PTPRU: variants seen among roughly 807,000 people sequenced by gnomAD.
PTPRU encodes receptor-type tyrosine-protein phosphatase U.
PTPRU carries 69 observed loss-of-function variants against 166.3 expected under a neutral mutation model. That is an observed-to-expected ratio of 0.41 (90% confidence interval 0.34 to 0.51). PTPRU has a LOEUF of 0.51. Among genes scored for constraint, PTPRU ranks in the 20% least tolerant of loss-of-function variants. PTPRU has a pLI of 0.09. For synonymous variants in PTPRU, 793 were observed against 814.0 expected, an observed-to-expected ratio of 0.97 and a Z score of 0.44; for missense variants, 1,657 against 2,013.7, an observed-to-expected ratio of 0.82 and a Z score of 3.39.
chr1:29,259,695 C>T, intron 5 of PTPRU, 131 bp downstream of exon 5: 1 of 1,243,534 alleles, frequency 8.0e-7, no homozygotes, highest in South Asian at 1.5e-5. Context: ...TCCCGGCCCT[C>T]CCCTAGCTCT....
chr1:29,256,347 G>A (rs1574616017), intron 2 of PTPRU, among the ~76,000 whole-genome samples: 2 of 152,190 alleles, frequency 1.3e-5, no homozygotes, highest in Admixed American at 1.3e-4. Flanking sequence ...TGTGTCAGAG[G>A]ACAAATCAAA....
chr1:29,306,990 C>CAGCCT (rs398069447), intron 18 of PTPRU: 17 of 971,724 alleles, frequency 1.7e-5, no homozygotes, highest in South Asian at 3.0e-5. Flanking sequence ...CAGCCCAGCC[C>CAGCCT]GGCCTGCCCG....
In PTPRU at chr1:29,280,235, T is replaced by C; in HGVS notation, c.1868+94T>C. The C allele has an allele frequency of 8.0e-7, 1 of 1,252,004 alleles. No individual in the cohort carries two copies. The highest frequency in any genetic ancestry group is 1.4e-5 in the South Asian group (1 of 73,610). The allele number at this position is 1,252,004 out of a possible 1,614,324, so 77.6% of individuals were successfully genotyped here. On this transcript the variant is annotated intron_variant, in intron 11 of 29. Transcript: ENST00000373779. This position sits in a 1 kb window ranked among gnomAD's most constrained non-coding sequence, Gnocchi z 4.2. Reference sequence around the variant, plus strand: ...GCCCCATCCCAGGCCAGCTCACCCTTTTCCTCCCTCAGTCTCCCACGCAGG... The same window carrying C: ...GCCCCATCCCAGGCCAGCTCACCCTCTTCCTCCCTCAGTCTCCCACGCAGG...
At chr1:29,319,541 C>T (rs1433094492) in intron 25 of PTPRU, among the ~76,000 whole-genome samples, 1 of 152,230 alleles carries the variant, frequency 6.6e-6, no homozygotes, top group Non-Finnish European at 1.5e-5. Context: ...GTCAAGTCTG[C>T]AAGGAGCCCT....
intron 14 of PTPRU, among the ~76,000 whole-genome samples, chr1:29,286,234 A>C (rs1686342353): frequency 6.6e-6 from 1 of 152,170 alleles, no homozygotes; most frequent in South Asian, 2.1e-4. Flanking sequence ...TTGTTCCTGC[A>C]CAGCTTTAAG....
chr1:29,319,615 G>T (rs2007350), intron 25 of PTPRU, among the ~76,000 whole-genome samples: 84,662 of 152,146 alleles, frequency 0.56, 26,213 homozygotes, highest in African/African-American at 0.84. Flanking sequence ...TTGTTAATCA[G>T]GAGCCTTCAG....
chr1:29,277,700 G>A (rs1685866187), intron 8 of PTPRU, among the ~76,000 whole-genome samples: 1 of 150,344 alleles, frequency 6.7e-6, no homozygotes, highest in South Asian at 2.1e-4. Context: ...CTATGTGGTA[G>A]GTTACTATTT....
At chr1:29,293,471 G>GTTTTTTTTTTTTTTTT (rs201996423) in intron 15 of PTPRU, among the ~76,000 whole-genome samples, 1 of 135,314 alleles carries the variant, frequency 7.4e-6, no homozygotes. Flanking sequence ...TTCGGGGGTA[G>GTTTTTTTTTTTTTTTT]TTTTTTGTTT....
chr1:29,262,550 T>C (rs756539124), intron 7 of PTPRU, among the ~76,000 whole-genome samples: 1 of 152,198 alleles, frequency 6.6e-6, no homozygotes, highest in Non-Finnish European at 1.5e-5. Context: ...TTATTATTAG[T>C]TATTGTTGTG....
At chr1:29,306,718 C>T (rs1185524764) in intron 18 of PTPRU, among the ~76,000 whole-genome samples, 3 of 152,176 alleles carry the variant, frequency 2.0e-5, no homozygotes, top group South Asian at 2.1e-4. Context: ...GTCTGGGAGC[C>T]GAGGTAGTCA....
At chr1:29,261,795 A>T (rs1685079459) in intron 7 of PTPRU, among the ~76,000 whole-genome samples, 1 of 151,778 alleles carries the variant, frequency 6.6e-6, no homozygotes, top group Admixed American at 6.6e-5. Flanking sequence ...GGCCTTCCAA[A>T]GTGCTAAGAT....
At chr1:29,262,580 T>C (rs75870221) in intron 7 of PTPRU, among the ~76,000 whole-genome samples, 5,255 of 152,310 alleles carry the variant, frequency 0.035, 307 homozygotes, top group African/African-American at 0.12. Context: ...CTGTGCCTAA[T>C]GTAGAAATTA....
At position 29,315,083 on chromosome 1, in the gene PTPRU, C is replaced by T. The variant is rs1687836732; in HGVS notation, c.3228-289C>T. On this transcript the variant is annotated intron_variant, in intron 22 of 29. Transcript: ENST00000373779. The surrounding 1 kb of genome is among the most constrained non-coding windows in gnomAD (Gnocchi z 4.5). ...CTCGGAGGATCATCATTCCTGTTCT[C>T]TCCTAATCTTAAGTTGCTAGGTTGA... 6.6e-6 allele frequency among the ~76,000 whole-genome samples: 1 copy of T among 152,174 alleles called. No homozygotes were observed. Among genetic ancestry groups the T allele is most frequent in the African/African-American group, 2.4e-5 (1 of 41,444 alleles).
chr1:29,239,944 C>T (rs1391124515), intron 1 of PTPRU, among the ~76,000 whole-genome samples: 1 of 152,160 alleles, frequency 6.6e-6, no homozygotes, highest in Non-Finnish European at 1.5e-5. Flanking sequence ...TCCCTTGGCC[C>T]TGTTGCTGGC....
At chr1:29,289,653 C>G in intron 14 of PTPRU, 1 of 1,613,918 alleles carries the variant, frequency 6.2e-7, no homozygotes, top group Non-Finnish European at 8.5e-7. Context: ...TCGGACACAA[C>G]TGTGCTGTTC....
chr1:29,241,619 G>C (rs979636520), intron 1 of PTPRU, among the ~76,000 whole-genome samples: 1 of 150,230 alleles, frequency 6.7e-6, no homozygotes, highest in Non-Finnish European at 1.5e-5. Context: ...TTTTGAGATG[G>C]AGTCTCACTC....
At chr1:29,305,231 G>C in intron 17 of PTPRU, 121 bp from the exon 18 acceptor site, 1 of 910,248 alleles carries the variant, frequency 1.1e-6, no homozygotes, top group South Asian at 1.5e-5. Context: ...TAAGCCCTGA[G>C]ACTCTAGGTT....
intron 12 of PTPRU, 45 bp downstream of exon 12, chr1:29,282,994 G>A (rs868252759): frequency 2.5e-6 from 4 of 1,599,026 alleles, no homozygotes; most frequent in Middle Eastern, 3.5e-4. Flanking sequence ...TGGGTGTGGG[G>A]GGATGGCAGA....
In PTPRU at chr1:29,320,858, C is replaced by T; in HGVS notation, c.3828+33C>T. The T allele has an allele frequency of 3.3e-6, 5 of 1,519,572 alleles. No homozygotes were observed. Among genetic ancestry groups the T allele is most frequent in the Non-Finnish European group, 4.4e-6 (5 of 1,125,692 alleles). 94.1% of individuals were successfully genotyped at this position (1,519,572 alleles called of 1,614,324 possible). A position where few individuals can be genotyped will look rare whatever the true frequency, so the allele number is the denominator to read the frequency against. On this transcript the variant is annotated intron_variant, in intron 26 of 29. Coordinates refer to ENST00000373779, the MANE Select transcript of PTPRU (RefSeq NM_133178.4). The surrounding 1 kb of genome is among the most constrained non-coding windows in gnomAD (Gnocchi z 5.2). ...CTCCACTGGCCAGGCCAATGGGCCG[C>T]CTGCTCCCAGGTCCTCTGTGTATTC...
Sources: allele counts gnomAD v4.1 joint callset (sites outside exome capture counted in the v4.1 genomes callset), GRCh38; gene constraint gnomAD v4.1.1; non-coding constraint Gnocchi (gnomAD v3.1); transcripts MANE v1.5; gene names NCBI Gene and HGNC (gene_info 2026-07-23, HGNC 2026-07-21).